Variants in TRAPPC12 observed in about 807,000 individuals in gnomAD.
The protein encoded by TRAPPC12 is TPR repeat protein 15.
Under a neutral mutation model 69.2 loss-of-function variants are expected in TRAPPC12, and 61 were observed. The observed-to-expected ratio is 0.88, with a 90% CI of 0.72 to 1.09. The LOEUF (loss-of-function observed/expected upper bound fraction) is 1.09. Among genes scored for constraint, TRAPPC12 ranks in the 50% least tolerant of loss-of-function variants. TRAPPC12 has a pLI of 0.00. For synonymous variants in TRAPPC12, 469 were observed against 438.9 expected, an observed-to-expected ratio of 1.07 and a Z score of -0.86; for missense variants, 1,101 against 1,016.4, an observed-to-expected ratio of 1.08 and a Z score of -1.13.
chr2:3,404,358 A>C (rs1384893667), intron 3 of TRAPPC12, among the ~76,000 whole-genome samples: 3 of 152,072 alleles, frequency 2.0e-5, no homozygotes, highest in Non-Finnish European at 2.9e-5. Context: ...AAAATATAGA[A>C]TCCTCCCCAT....
chr2:3,439,878 T>A (rs959609863), intron 5 of TRAPPC12, among the ~76,000 whole-genome samples: 13 of 141,132 alleles, frequency 9.2e-5, no homozygotes, highest in African/African-American at 3.6e-4. Context: ...AAGATCTGTG[T>A]CTAGATTCAT....
chr2:3,436,531 A>C (rs528380534), intron 5 of TRAPPC12, among the ~76,000 whole-genome samples: 1 of 152,078 alleles, frequency 6.6e-6, no homozygotes, highest in African/African-American at 2.4e-5. Flanking sequence ...TAAGTATAAA[A>C]ATTTTGCATT....
rs529636510 is a variant in TRAPPC12, at chr2:3,462,769, G to A, written c.1677+2433G>A. ...GGGCACCTGCACTGGCAGACCATAT[G>A]GATGCAGGTGCCTGCCACCTTAGGT... is the stretch of plus-strand genomic sequence containing the variant. On this transcript the variant is annotated intron_variant, in intron 8 of 11. Coordinates refer to ENST00000324266, the MANE Select transcript of TRAPPC12 (RefSeq NM_016030.6). 703 of 391,782 alleles carry A rather than the reference G, an allele frequency of 1.8e-3. 5 individuals are homozygous for A. Among genetic ancestry groups the A allele is most frequent in the African/African-American group, 0.013 (609 of 48,028 alleles). The allele number at this position is 391,782 out of a possible 1,614,324, so 24.3% of individuals were successfully genotyped here.
intron 1 of TRAPPC12, among the ~76,000 whole-genome samples, chr2:3,382,174 C>T (rs931487280): frequency 4.8e-5 from 7 of 146,360 alleles, no homozygotes; most frequent in East Asian, 2.0e-4. Flanking sequence ...CTTATTCTGC[C>T]GCCAGGCTGG....
rs1183413154 is a variant in TRAPPC12, at chr2:3,466,382, C to T, written c.1776+687C>T. ...AGAAGCAGCACAGACCTTCCACAGG[C>T]ACCCACTCACGGTGAGCCAGGCCCT... On this transcript the variant is annotated intron_variant, in intron 9 of 11. Coordinates refer to ENST00000324266, the MANE Select transcript of TRAPPC12 (RefSeq NM_016030.6). 1.1e-5 allele frequency: 5 copies of T among 471,130 alleles called. No individual in the cohort carries two copies. The East Asian group carries it at 3.5e-4, about 33-fold the overall frequency. The allele number at this position is 471,130 out of a possible 1,614,324, so 29.2% of individuals were successfully genotyped here.
At chr2:3,464,894 A>C (rs905616657) in intron 8 of TRAPPC12, among the ~76,000 whole-genome samples, 1 of 152,234 alleles carries the variant, frequency 6.6e-6, no homozygotes, top group Non-Finnish European at 1.5e-5. Flanking sequence ...GCCACGGGCC[A>C]GACCACCACA....
At chr2:3,394,680 C>T (rs1661021614) in intron 2 of TRAPPC12, among the ~76,000 whole-genome samples, 1 of 152,054 alleles carries the variant, frequency 6.6e-6, no homozygotes, top group Non-Finnish European at 1.5e-5. Context: ...GAGTCTCCTC[C>T]AGTGAGTCCT....
At chr2:3,395,408 AATAG>A (rs1237698782) in intron 2 of TRAPPC12, among the ~76,000 whole-genome samples, 1 of 150,570 alleles carries the variant, frequency 6.6e-6, no homozygotes, top group Non-Finnish European at 1.5e-5. Flanking sequence ...TATCATACAC[AATAG>A]ATGTGTTGCA....
At position 3,421,953 on chromosome 2, in the gene TRAPPC12, A is replaced by G; in HGVS notation, c.1237A>G (p.Lys413Glu). 3 of 1,613,668 alleles carry G rather than the reference A, an allele frequency of 1.9e-6. No individual in the cohort carries two copies. Among genetic ancestry groups the G allele is most frequent in the Middle Eastern group, 1.7e-4 (1 of 6,060 alleles). ...LLTAHGQGYG[K>E]SGLLTSHTTD... ...CACAGCCCACGGCCAGGGCTACGGCAAGAGCGGGCTGCTCACCAGCCACAC... is the reference window on the plus strand; with the variant it reads ...CACAGCCCACGGCCAGGGCTACGGCGAGAGCGGGCTGCTCACCAGCCACAC... The change falls in exon 4 of 12, where the codon AAG (lysine) becomes GAG (glutamate). Residue 413 changes from lysine (K) to glutamate (E), a missense_variant. By Grantham distance (56) the Lys-to-Glu change is moderately conservative. Coordinates refer to ENST00000324266, the MANE Select transcript of TRAPPC12 (RefSeq NM_016030.6).
intron 2 of TRAPPC12, among the ~76,000 whole-genome samples, chr2:3,401,179 G>T (rs1661425120): frequency 6.6e-6 from 1 of 152,230 alleles, no homozygotes; most frequent in Non-Finnish European, 1.5e-5. Flanking sequence ...TGCTGTGAAA[G>T]GGGGTCTCAG....
chr2:3,477,137 CT>C lies in TRAPPC12; in HGVS notation c.1777-557del, dbSNP rs368346618. Among the ~76,000 whole-genome samples the C allele has an allele frequency of 4.0e-4, 61 of 152,324 alleles. 1 individual carries two copies. In the South Asian group the frequency reaches 0.012, roughly 31 times the overall value. On this transcript the variant is annotated intron_variant, in intron 9 of 11. Transcript: ENST00000324266. ...CCAGGCCTCCTCTGCCACAGGCCTG[CT>C]GCATCCGGCTGCATTTCAGTCGGGC...
At chr2:3,440,473 A>C (rs1055146673) in intron 5 of TRAPPC12, among the ~76,000 whole-genome samples, 10 of 151,700 alleles carry the variant, frequency 6.6e-5, no homozygotes, top group African/African-American at 1.9e-4. Context: ...TTTAATTTCA[A>C]ATTCCCATCA....
At position 3,427,828 on chromosome 2, in the gene TRAPPC12, G is replaced by A. The variant is rs145716762; in HGVS notation, c.1417+3165G>A. Among the ~76,000 whole-genome samples the A allele has an allele frequency of 2.5e-3, 375 of 152,208 alleles. 2 individuals are homozygous for A. The highest frequency in any genetic ancestry group is 8.6e-3 in the African/African-American group (358 of 41,524). On this transcript the variant is annotated intron_variant, in intron 5 of 11. Coordinates refer to ENST00000324266, the MANE Select transcript of TRAPPC12 (RefSeq NM_016030.6). ...GAATCTCTTCAACCCAGGAGGCGGA[G>A]GTTGTAGTGAGCCAAGATCATACCA...
intron 5 of TRAPPC12, among the ~76,000 whole-genome samples, chr2:3,436,812 C>A (rs1162796353): frequency 7.1e-6 from 1 of 140,186 alleles, no homozygotes; most frequent in African/African-American, 2.7e-5. Flanking sequence ...AATTAATCCC[C>A]CCATCACCCC....
At chr2:3,386,872 AAAC>A (rs1660516754) in intron 1 of TRAPPC12, among the ~76,000 whole-genome samples, 2 of 152,342 alleles carry the variant, frequency 1.3e-5, no homozygotes, top group African/African-American at 4.8e-5. Context: ...TATGAAATAA[AAAC>A]AAAATAACAA....
intron 3 of TRAPPC12, among the ~76,000 whole-genome samples, chr2:3,409,497 C>T (rs1199219363): frequency 6.6e-6 from 1 of 151,986 alleles, no homozygotes; most frequent in African/African-American, 2.4e-5. Flanking sequence ...CCTGCAATCC[C>T]AACACTTTTG....
intron 5 of TRAPPC12, among the ~76,000 whole-genome samples, chr2:3,434,463 C>G (rs543314673): frequency 1.3e-5 from 2 of 152,314 alleles, no homozygotes; most frequent in Admixed American, 6.5e-5. Flanking sequence ...CTGTGCAAGA[C>G]TTTTTCAATG....
Position 3,477,701 on chromosome 2 carries a change from G to C in TRAPPC12, c.1783G>C (p.Asp595His). ...CTAAATTTTGTCAAAGCAGATTGGAGACATAAAAACAGCTGAAAAGTATTT... is the reference window on the plus strand; with the variant it reads ...CTAAATTTTGTCAAAGCAGATTGGACACATAAAAACAGCTGAAAAGTATTT... ...GIGRISLQIGDIKTAEKYFQD... is the reference protein window; with the variant it reads ...GIGRISLQIGHIKTAEKYFQD... Residue 595 changes from aspartate to histidine, a missense_variant, in exon 10 of 12, where the codon GAC (aspartate) becomes CAC (histidine). Asp to His is a moderately conservative substitution (Grantham distance 81). Coordinates refer to ENST00000324266, the MANE Select transcript of TRAPPC12 (RefSeq NM_016030.6). 6.2e-7 allele frequency: 1 copy of C among 1,602,330 alleles called. No homozygotes were observed. The highest frequency in any genetic ancestry group is 8.5e-7 in the Non-Finnish European group (1 of 1,174,962).
intron 6 of TRAPPC12, among the ~76,000 whole-genome samples, chr2:3,445,049 T>C (rs1256480067): frequency 6.6e-6 from 1 of 152,218 alleles, no homozygotes; most frequent in East Asian, 1.9e-4. Context: ...CTTTCTAAAC[T>C]ATACGAATTT....
Sources: allele counts gnomAD v4.1 joint callset (sites outside exome capture counted in the v4.1 genomes callset), GRCh38; gene constraint gnomAD v4.1.1; transcripts MANE v1.5; gene names NCBI Gene and HGNC (gene_info 2026-07-23, HGNC 2026-07-21).